The following DGKH variants were observed in gnomAD, a reference collection of about 807,000 sequenced individuals.
DGKH encodes the protein diacylglycerol kinase eta, also known as DAG kinase eta.
DGKH carries 90 observed loss-of-function variants against 159.3 expected under a neutral mutation model. The observed-to-expected ratio is 0.57, with a 90% confidence interval of 0.48 to 0.67. The LOEUF (loss-of-function observed/expected upper bound fraction) is 0.67, where lower values mean the gene tolerates loss of function less well. Among genes scored for constraint, DGKH ranks in the 30% least tolerant of loss-of-function variants. DGKH has a pLI of 0.00. For synonymous variants in DGKH, 536 were observed against 553.8 expected, an observed-to-expected ratio of 0.97 and a Z score of 0.45; for missense variants, 1,181 against 1,506.1, an observed-to-expected ratio of 0.78 and a Z score of 3.57.
At chr13:42,253,012 A>G (rs1958631385) in intron 30 of DGKH, among the ~76,000 whole-genome samples, 1 of 152,110 alleles carries the variant, frequency 6.6e-6, no homozygotes, top group South Asian at 2.1e-4. Flanking sequence ...ATTATTATCC[A>G]ATTTCAAGCA....
chr13:42,161,287 G>A (rs1397601941), intron 7 of DGKH, among the ~76,000 whole-genome samples: 1 of 152,052 alleles, frequency 6.6e-6, no homozygotes, highest in Non-Finnish European at 1.5e-5. Context: ...TATTTTTATT[G>A]GCCTGTACAT....
chr13:42,210,661 A>T lies in DGKH; in HGVS notation c.2910A>T (p.Pro970=), dbSNP rs1334262624. 6.2e-7 allele frequency: 1 copy of T among 1,612,148 alleles called. No individual in the cohort carries two copies. The highest frequency in any genetic ancestry group is 8.5e-7 in the Non-Finnish European group (1 of 1,179,948). Residue 970 remains proline (P), a synonymous_variant, in exon 24 of 30, where the codon CCA becomes CCT. Coordinates refer to ENST00000337343, the MANE Select transcript of DGKH (RefSeq NM_178009.5). The part of the protein sequence containing the change: ...EDKQKCDSGK[P]VLRTHLYIHH... ...AGCAGAAGTGTGATTCTGGTAAACCAGTTCTCCGAACCCATTTGTACATCC... is the reference window on the plus strand; with the variant it reads ...AGCAGAAGTGTGATTCTGGTAAACCTGTTCTCCGAACCCATTTGTACATCC...
chr13:42,166,461 T>C, intron 8 of DGKH, 54 bp from the exon 9 acceptor site: 1 of 1,351,884 alleles, frequency 7.4e-7, no homozygotes, highest in Admixed American at 2.9e-5. Flanking sequence ...TGTTTGCTAA[T>C]AATTTAAAAG....
Position 42,208,530 on chromosome 13 carries a change from C to T in DGKH, c.2602-429C>T, listed in dbSNP as rs924066579. Among the ~76,000 whole-genome samples, 5 of 152,050 alleles carry T rather than the reference C, an allele frequency of 3.3e-5. No individual in the cohort carries two copies. The South Asian group carries it at 6.2e-4, about 19-fold the overall frequency. ...TAAACTGGATCATAATTTGCATCTTCATTAGCTTTAACTTTATGAAACTAT... is the reference window on the plus strand; with the variant it reads ...TAAACTGGATCATAATTTGCATCTTTATTAGCTTTAACTTTATGAAACTAT... On this transcript the variant is annotated intron_variant, in intron 21 of 29. Transcript: ENST00000337343.
At chr13:42,111,477 G>A (rs1954862088) in intron 1 of DGKH, among the ~76,000 whole-genome samples, 1 of 152,206 alleles carries the variant, frequency 6.6e-6, no homozygotes, top group Admixed American at 6.5e-5. Flanking sequence ...CTACTTGGGA[G>A]GTTGAGGTGC....
intron 3 of DGKH, among the ~76,000 whole-genome samples, chr13:42,137,588 T>C (rs1189117088): frequency 6.6e-6 from 1 of 152,228 alleles, no homozygotes; most frequent in African/African-American, 2.4e-5. Context: ...TTAGGTAGTA[T>C]TCCTCTAACT....
chr13:42,209,272 A>T, intron 22 of DGKH, 59 bp from the exon 23 acceptor site: 1 of 1,563,938 alleles, frequency 6.4e-7, no homozygotes, highest in Non-Finnish European at 8.7e-7. Flanking sequence ...GCCTTCATAA[A>T]GATTGAGTGT....
intron 3 of DGKH, among the ~76,000 whole-genome samples, chr13:42,132,797 G>A (rs1011717006): frequency 1.3e-5 from 2 of 152,092 alleles, no homozygotes; most frequent in African/African-American, 2.4e-5. Context: ...CACTCAGGAG[G>A]CTGATTGCTT....
intron 6 of DGKH, 25 bp downstream of exon 6, chr13:42,159,397 C>T (rs368973172): frequency 8.2e-6 from 12 of 1,461,750 alleles, no homozygotes; most frequent in Non-Finnish European, 1.2e-5. Context: ...TGTCTCTGCT[C>T]TCTTCCCACT....
chr13:42,206,985 T>TTCTTTCTC (rs1957494018), intron 21 of DGKH, among the ~76,000 whole-genome samples: 3 of 126,804 alleles, frequency 2.4e-5, no homozygotes, highest in Non-Finnish European at 4.9e-5. Flanking sequence ...TTTTCTTTCT[T>TTCTTTCTC]TCTTTCTTTC....
intron 29 of DGKH, among the ~76,000 whole-genome samples, chr13:42,223,344 C>G (rs1052079053): frequency 1.3e-5 from 2 of 152,178 alleles, no homozygotes; most frequent in African/African-American, 4.8e-5. Flanking sequence ...TCAGCCCTGC[C>G]TGACCTGATT....
chr13:42,095,529 GA>G lies in DGKH; in HGVS notation c.193-31933del, dbSNP rs958379486. On this transcript the variant is annotated intron_variant, in intron 1 of 29. Transcript: ENST00000337343. ...AGAAGAAATTACATGTTGGAGTTAG[GA>G]GCTGTGTTTTTAGCCTTTTAACTTG... Among the ~76,000 whole-genome samples, 18 of 152,166 alleles carry G rather than the reference GA, an allele frequency of 1.2e-4. 1 individual carries two copies. The highest frequency in any genetic ancestry group is 9.8e-4 in the Admixed American group (15 of 15,276).
chr13:42,228,251 A>G (rs909616819), intron 29 of DGKH, among the ~76,000 whole-genome samples: 1 of 152,192 alleles, frequency 6.6e-6, no homozygotes, highest in Non-Finnish European at 1.5e-5. Context: ...ACTTATAAGA[A>G]GAAGTTTCTT....
chr13:42,097,702 C>T (rs1373790042), intron 1 of DGKH, among the ~76,000 whole-genome samples: 3 of 152,200 alleles, frequency 2.0e-5, no homozygotes, highest in African/African-American at 7.2e-5. Context: ...CTCTGCTGGA[C>T]CCTCTCCAGA....
chr13:42,144,429 G>A (rs1018428915), intron 3 of DGKH, among the ~76,000 whole-genome samples: 1 of 152,182 alleles, frequency 6.6e-6, no homozygotes, highest in Non-Finnish European at 1.5e-5. Context: ...GCTCACGCCT[G>A]TAATCCTAGC....
chr13:42,201,895 G>A (rs903637971), intron 20 of DGKH, among the ~76,000 whole-genome samples: 4 of 152,180 alleles, frequency 2.6e-5, no homozygotes, highest in African/African-American at 7.2e-5. Flanking sequence ...CATCTATAAC[G>A]TAATATAAAA....
chr13:42,054,623 A>G (rs190482450), intron 1 of DGKH, among the ~76,000 whole-genome samples: 36 of 152,320 alleles, frequency 2.4e-4, no homozygotes, highest in Non-Finnish European at 4.4e-4. Flanking sequence ...ACTCCAGAAT[A>G]ATTCTGAGAA....
At chr13:42,048,595 C>T (rs1206562687), upstream of DGKH, among the ~76,000 whole-genome samples, 1 of 152,180 alleles carries the variant, frequency 6.6e-6, no homozygotes, top group African/African-American at 2.4e-5. This position sits in a 1 kb window ranked among gnomAD's most constrained non-coding sequence, Gnocchi z 6.7. Context: ...CCGGGTGGAC[C>T]CCTGCCTGGA....
intron 1 of DGKH, chr13:42,070,869 A>G: frequency 7.7e-7 from 1 of 1,299,810 alleles, no homozygotes; most frequent in Non-Finnish European, 1.1e-6. Context: ...TCACAATGTT[A>G]TCATGGTCAA....
Sources: allele counts gnomAD v4.1 joint callset (sites outside exome capture counted in the v4.1 genomes callset), GRCh38; gene constraint gnomAD v4.1.1; non-coding constraint Gnocchi (gnomAD v3.1); transcripts MANE v1.5; gene names NCBI Gene and HGNC (gene_info 2026-07-23, HGNC 2026-07-21).